KCNQ1: variants seen among roughly 807,000 people sequenced by gnomAD.
The protein encoded by KCNQ1 is potassium voltage-gated channel subfamily Q member 1.
KCNQ1 carries 49 observed loss-of-function variants against 72.4 expected under a neutral mutation model. That is an observed-to-expected ratio of 0.68 (90% confidence interval 0.54 to 0.86). The LOEUF (loss-of-function observed/expected upper bound fraction) is 0.86, where lower values mean the gene tolerates loss of function less well. Ranked by LOEUF, KCNQ1 falls within the 40% of genes least tolerant of loss-of-function variation. The pLI is 0.00. For synonymous variants in KCNQ1, 450 were observed against 412.6 expected (o/e 1.09, Z -1.10); for missense variants, 790 against 945.1 (o/e 0.84, Z 2.15).
In KCNQ1 at chr11:2,457,163, C is replaced by G. The variant is rs1846208026; in HGVS notation, c.386+11679C>G. On this transcript the variant is annotated intron_variant, in intron 1 of 15. Coordinates refer to ENST00000155840, the MANE Select transcript of KCNQ1 (RefSeq NM_000218.3). This position sits in a 1 kb window ranked among gnomAD's most constrained non-coding sequence, Gnocchi z 5.0. Reference sequence around the variant, plus strand: ...CTCAAAACAACAGATGCTGGAGAGGCAGTAGAGAAAGGGGAACACTTACAC... The same window carrying G: ...CTCAAAACAACAGATGCTGGAGAGGGAGTAGAGAAAGGGGAACACTTACAC... Among the ~76,000 whole-genome samples, 1 of 151,946 alleles carries G rather than the reference C, an allele frequency of 6.6e-6. No homozygotes were observed. The highest frequency in any genetic ancestry group is 2.4e-5 in the African/African-American group (1 of 41,354).
intron 4 of KCNQ1, among the ~76,000 whole-genome samples, 157 bp downstream of exon 4, chr11:2,571,560 G>A (rs541527975): frequency 2.7e-4 from 41 of 152,224 alleles, no homozygotes; most frequent in Non-Finnish European, 5.3e-4. Context: ...TGGGATGGGT[G>A]GAGCAGGGTG....
chr11:2,569,119 C>T (rs1007889201), intron 2 of KCNQ1, among the ~76,000 whole-genome samples: 1 of 152,098 alleles, frequency 6.6e-6, no homozygotes. Flanking sequence ...CTCCTGAACT[C>T]GTGATCTGCC....
chr11:2,846,159 C>A (rs1434856919), intron 15 of KCNQ1, among the ~76,000 whole-genome samples: 13 of 152,206 alleles, frequency 8.5e-5, no homozygotes, highest in Admixed American at 8.5e-4. Context: ...CAGGCCCGCC[C>A]GGCGCAGCCT....
intron 1 of KCNQ1, among the ~76,000 whole-genome samples, chr11:2,523,932 G>A (rs1422074781): frequency 1.3e-5 from 2 of 151,904 alleles, no homozygotes; most frequent in African/African-American, 2.4e-5. Context: ...GGGCAGTGGC[G>A]TGGATTCGGG....
chr11:2,804,264 A>T (rs1345850657), intron 15 of KCNQ1, among the ~76,000 whole-genome samples: 1 of 152,148 alleles, frequency 6.6e-6, no homozygotes, highest in East Asian at 1.9e-4. Flanking sequence ...GCCTCGGCAC[A>T]TCAGCAAGCA....
At chr11:2,571,540 A>G in intron 4 of KCNQ1, 137 bp downstream of exon 4, 1 of 747,586 alleles carries the variant, frequency 1.3e-6, no homozygotes, top group Non-Finnish European at 2.3e-6. Flanking sequence ...GGGGGCACTG[A>G]GCCATGTGCT....
chr11:2,729,940 G>T (rs1462309657), intron 11 of KCNQ1, among the ~76,000 whole-genome samples: 1 of 152,188 alleles, frequency 6.6e-6, no homozygotes, highest in African/African-American at 2.4e-5. Flanking sequence ...TGGTGTCAGG[G>T]CTAAGAGCAT....
chr11:2,761,939 C>G (rs947777415), intron 11 of KCNQ1, among the ~76,000 whole-genome samples: 2 of 152,228 alleles, frequency 1.3e-5, no homozygotes, highest in Non-Finnish European at 2.9e-5. Context: ...CGGGGCATGG[C>G]CCTCTGTGCA....
chr11:2,580,541 G>A (rs945128199), intron 6 of KCNQ1, among the ~76,000 whole-genome samples: 2 of 152,144 alleles, frequency 1.3e-5, no homozygotes, highest in East Asian at 1.9e-4. Context: ...CGCCTGTCCC[G>A]GAACTGTCTG....
chr11:2,481,320 C>G lies in KCNQ1; in HGVS notation c.386+35836C>G, dbSNP rs1457991190. Among the ~76,000 whole-genome samples the G allele has an allele frequency of 6.6e-6, 1 of 152,122 alleles. No homozygotes were observed. The highest frequency in any genetic ancestry group is 2.4e-5 in the African/African-American group (1 of 41,430). ...TCGTACCAAAAGCCAGAGATGCCAG[C>G]TTTTAGTTTCCTGCTAGTCTTTTTC... On this transcript the variant is annotated intron_variant, in intron 1 of 15. Transcript: ENST00000155840. This position sits in a 1 kb window ranked among gnomAD's most constrained non-coding sequence, Gnocchi z 4.6.
At chr11:2,709,220 G>GCCCCCCCCCCCCC (rs34617956) in intron 11 of KCNQ1, among the ~76,000 whole-genome samples, 15 of 130,038 alleles carry the variant, frequency 1.2e-4, no homozygotes, top group South Asian at 2.9e-4. Context: ...CGGCTTCCAG[G>GCCCCCCCCCCCCC]CCCCCCCCAC....
At chr11:2,616,421 TTCTC>T in intron 10 of KCNQ1, 1 of 398,028 alleles carries the variant, frequency 2.5e-6, no homozygotes, top group Admixed American at 4.4e-5. Flanking sequence ...TATTATTTCA[TTCTC>T]TCTTTTAACT....
Position 2,777,901 on chromosome 11 carries a change from C to T in KCNQ1, c.1733-75C>T, listed in dbSNP as rs932710350. On this transcript the variant is annotated intron_variant, in intron 14 of 15. Coordinates refer to ENST00000155840, the MANE Select transcript of KCNQ1 (RefSeq NM_000218.3). ...GCTACCTCCCCCAGCCCTACCACCC[C>T]ACTTCCCAAGCCCAGCTGGGGTCCC... The T allele has an allele frequency of 3.8e-6, 5 of 1,332,304 alleles. No individual in the cohort carries two copies. In the African/African-American group the frequency reaches 4.3e-5, roughly 12 times the overall value. 82.5% of individuals were successfully genotyped at this position (1,332,304 alleles called of 1,614,324 possible).
intron 11 of KCNQ1, among the ~76,000 whole-genome samples, chr11:2,733,739 G>A: frequency 6.7e-6 from 1 of 149,876 alleles, no homozygotes; most frequent in East Asian, 2.0e-4. Context: ...GCAGTGGAGA[G>A]GGGTCTAGCG....
At position 2,671,058 on chromosome 11, in the gene KCNQ1, T is replaced by C; in HGVS notation, c.1514+8977T>C. 1 of 398,676 alleles carries C rather than the reference T, an allele frequency of 2.5e-6. No individual in the cohort carries two copies. Among genetic ancestry groups the C allele is most frequent in the Non-Finnish European group, 4.4e-6 (1 of 226,096 alleles). 24.7% of individuals were successfully genotyped at this position (398,676 alleles called of 1,614,324 possible). A position where few individuals can be genotyped will look rare whatever the true frequency, so the allele number is the denominator to read the frequency against. On this transcript the variant is annotated intron_variant, in intron 11 of 15. Transcript: ENST00000155840. This position sits in a 1 kb window ranked among gnomAD's most constrained non-coding sequence, Gnocchi z 4.7. ...GCAGGGGCTGTATCTGAGGCACACA[T>C]CCTTGGTAGTGACTGGCTAGCAGGA...
At chr11:2,614,603 C>T in intron 10 of KCNQ1, 1 of 398,496 alleles carries the variant, frequency 2.5e-6, no homozygotes, top group Non-Finnish European at 4.4e-6. Flanking sequence ...ATATGAGGAT[C>T]CAGTTGCCCC....
chr11:2,841,019 C>T (rs1200351766), intron 15 of KCNQ1, among the ~76,000 whole-genome samples: 1 of 152,272 alleles, frequency 6.6e-6, no homozygotes, highest in Non-Finnish European at 1.5e-5. Context: ...AAGACGGTGA[C>T]TGCCTGGCCT....
intron 1 of KCNQ1, among the ~76,000 whole-genome samples, chr11:2,459,654 A>C (rs985860562): frequency 2.0e-5 from 3 of 152,042 alleles, no homozygotes; most frequent in Non-Finnish European, 2.9e-5. Context: ...CTGGGGGTGA[A>C]CGGCTGACCG....
chr11:2,451,797 G>A lies in KCNQ1; in HGVS notation c.386+6313G>A, dbSNP rs189070216. On this transcript the variant is annotated intron_variant, in intron 1 of 15. Coordinates refer to ENST00000155840, the MANE Select transcript of KCNQ1 (RefSeq NM_000218.3). The surrounding 1 kb of genome is among the most constrained non-coding windows in gnomAD (Gnocchi z 6.4). Reference sequence around the variant, plus strand: ...ACTCACAGATGAGGACATTTGGGTCGCCTTACAGATGAGACAACTAGGCCT... The same window carrying A: ...ACTCACAGATGAGGACATTTGGGTCACCTTACAGATGAGACAACTAGGCCT... Among the ~76,000 whole-genome samples, 19 of 152,274 alleles carry A rather than the reference G, an allele frequency of 1.2e-4. No homozygotes were observed. In the East Asian group the frequency reaches 2.9e-3, roughly 23 times the overall value.
Sources: allele counts gnomAD v4.1 joint callset (sites outside exome capture counted in the v4.1 genomes callset), GRCh38; gene constraint gnomAD v4.1.1; non-coding constraint Gnocchi (gnomAD v3.1); transcripts MANE v1.5; gene names NCBI Gene and HGNC (gene_info 2026-07-23, HGNC 2026-07-21).